The following ARHGAP32 variants were observed in gnomAD, a reference collection of about 807,000 sequenced individuals.
The protein encoded by ARHGAP32 is rho GTPase-activating protein 32.
In ARHGAP32, 51 loss-of-function variants were observed where a neutral mutation model predicts 186.5. That is an observed-to-expected ratio of 0.27 (90% CI 0.22 to 0.35). The LOEUF is 0.35. Among genes scored for constraint, ARHGAP32 ranks in the 10% least tolerant of loss-of-function variants. The pLI is 1.00. For synonymous variants in ARHGAP32, 950 were observed against 964.3 expected (o/e 0.99, Z 0.27); for missense variants, 2,186 against 2,623.5 (o/e 0.83, Z 3.64).
intron 5 of ARHGAP32, among the ~76,000 whole-genome samples, chr11:129,106,339 G>T (rs950596172): frequency 6.6e-6 from 1 of 152,008 alleles, no homozygotes; most frequent in Non-Finnish European, 1.5e-5. Context: ...ATACTACACA[G>T]CTATAAAAAA....
At chr11:129,276,113 T>C (rs1219706345) in intron 1 of ARHGAP32, among the ~76,000 whole-genome samples, 4 of 152,202 alleles carry the variant, frequency 2.6e-5, no homozygotes, top group African/African-American at 9.7e-5. Context: ...CCTGACTCTA[T>C]TAAATTTTAA....
intron 1 of ARHGAP32, among the ~76,000 whole-genome samples, chr11:129,261,815 C>A (rs1333675017): frequency 6.6e-6 from 1 of 152,030 alleles, no homozygotes; most frequent in Non-Finnish European, 1.5e-5. Flanking sequence ...ATTAATGGTG[C>A]AACTGTTAAA....
At chr11:129,006,040 C>T (rs942556811) in intron 11 of ARHGAP32, among the ~76,000 whole-genome samples, 4 of 152,034 alleles carry the variant, frequency 2.6e-5, no homozygotes, top group South Asian at 2.1e-4. Context: ...TTCAGTATTT[C>T]GATTGCATTT....
Position 128,967,101 on chromosome 11 carries a change from A to G in ARHGAP32, c.*1806T>C, listed in dbSNP as rs1591478225. ...GCATCCCTCCAATGAATTCTAAGGGAACAAAAGAAAACCTTATAGAATATT... is the reference window on the plus strand; with the variant it reads ...GCATCCCTCCAATGAATTCTAAGGGGACAAAAGAAAACCTTATAGAATATT... On this transcript the variant is annotated 3_prime_UTR_variant, in exon 23 of 23. Coordinates refer to ENST00000682385, the MANE Select transcript of ARHGAP32 (RefSeq NM_001378024.1). 3.3e-5 allele frequency: 5 copies of G among 152,212 alleles called. No individual in the cohort carries two copies. The East Asian group carries it at 9.6e-4, about 29-fold the overall frequency. 9.4% of individuals were successfully genotyped at this position (152,212 alleles called of 1,614,324 possible).
intron 11 of ARHGAP32, among the ~76,000 whole-genome samples, chr11:129,005,867 G>T (rs2134785823): frequency 6.6e-6 from 1 of 152,006 alleles, no homozygotes; most frequent in African/African-American, 2.4e-5. Flanking sequence ...CCTCTTTAAG[G>T]CCAGTAACTT....
At position 128,986,068 on chromosome 11, in the gene ARHGAP32, T is replaced by G. The variant is rs1309075979; in HGVS notation, c.1461A>C (p.Ala487=). 6.2e-7 allele frequency: 1 copy of G among 1,606,598 alleles called. No individual in the cohort carries two copies. Among genetic ancestry groups the G allele is most frequent in the East Asian group, 2.3e-5 (1 of 44,030 alleles). ...TTTTTATCAGCCTTTCTTCATCTGT[T>G]GCTGCTGAAACTGCATCCTAGAAGA... ...YEKFSDAVSA[A]TDEERLIKIH... is the part of the protein sequence containing the mutation. Residue 487 remains alanine (A), a synonymous_variant, in exon 15 of 23, where the codon GCA becomes GCC. Coordinates refer to ENST00000682385, the MANE Select transcript of ARHGAP32 (RefSeq NM_001378024.1).
At chr11:129,154,110 C>T (rs1943349788) in intron 2 of ARHGAP32, among the ~76,000 whole-genome samples, 1 of 151,822 alleles carries the variant, frequency 6.6e-6, no homozygotes, top group African/African-American at 2.4e-5. Flanking sequence ...AGACAAATGG[C>T]CAACAAACAC....
At chr11:129,164,661 C>A (rs914050907) in intron 1 of ARHGAP32, among the ~76,000 whole-genome samples, 7 of 152,128 alleles carry the variant, frequency 4.6e-5, no homozygotes, top group African/African-American at 1.7e-4. Context: ...AGCTAGTTAA[C>A]CTTTATGGTC....
chr11:129,193,556 ATATATTATATATAATATAT>A (rs1257246086), upstream of ARHGAP32, among the ~76,000 whole-genome samples: 11 of 14,178 alleles, frequency 7.8e-4, no homozygotes, highest in East Asian at 3.6e-3. Flanking sequence ...TATAATATAT[ATATATTATATATAATATAT>A]ATATATTATA....
At chr11:129,143,633 G>A (rs912560492) in intron 2 of ARHGAP32, among the ~76,000 whole-genome samples, 2 of 115,812 alleles carry the variant, frequency 1.7e-5, no homozygotes, top group African/African-American at 2.9e-5. Flanking sequence ...CAAAGCACAA[G>A]AGGAGTGATG....
At position 129,232,555 on chromosome 11, in the gene ARHGAP32, T is replaced by C. The variant is rs74594587; in HGVS notation, c.-5+46591A>G. ...AGAATTTGTATTTGATACTAGGAAC[T>C]TGATAGCTTGATGAGATCAGTAATG... On this transcript the variant is annotated intron_variant, in intron 1 of 6. Coordinates refer to the ARHGAP32 transcript ENST00000525234. Among the ~76,000 whole-genome samples the C allele has an allele frequency of 4.8e-4, 73 of 152,258 alleles. No individual in the cohort carries two copies. In the East Asian group the frequency reaches 0.011, roughly 23 times the overall value.
chr11:129,123,368 A>T lies in ARHGAP32; in HGVS notation c.444+78T>A. 1.7e-6 allele frequency: 2 copies of T among 1,192,372 alleles called. No homozygotes were observed. The highest frequency in any genetic ancestry group is 2.4e-6 in the Non-Finnish European group (2 of 823,440). The allele number at this position is 1,192,372 out of a possible 1,614,324, so 73.9% of individuals were successfully genotyped here. ...CTTCAAAGTGTCATCTATTAGATAC[A>T]GATATATAGATAAGCATCTAGATAT... On this transcript the variant is annotated intron_variant, in intron 5 of 22. Coordinates refer to ENST00000682385, the MANE Select transcript of ARHGAP32 (RefSeq NM_001378024.1). This position sits in a 1 kb window ranked among gnomAD's most constrained non-coding sequence, Gnocchi z 4.6.
intron 1 of ARHGAP32, among the ~76,000 whole-genome samples, chr11:129,276,762 T>A (rs1327683359): frequency 6.6e-6 from 1 of 152,222 alleles, no homozygotes; most frequent in Admixed American, 6.5e-5. Flanking sequence ...ATCCTTTCTA[T>A]CATCTGATCC....
At chr11:129,130,746 T>C (rs747071163) in intron 2 of ARHGAP32, among the ~76,000 whole-genome samples, 29 of 152,220 alleles carry the variant, frequency 1.9e-4, no homozygotes, top group Non-Finnish European at 4.1e-4. Flanking sequence ...GTGGTTAGAG[T>C]ATACAACAGC....
Position 129,166,224 on chromosome 11 carries a change from C to T in ARHGAP32, c.117-1797G>A, listed in dbSNP as rs558634171. On this transcript the variant is annotated intron_variant, in intron 1 of 22. Coordinates refer to ENST00000682385, the MANE Select transcript of ARHGAP32 (RefSeq NM_001378024.1). ...CAGAGAAAAAAAGGAACAGAAAATA[C>T]ACAAAATAGTATAAAGGATGAGAGA... Among the ~76,000 whole-genome samples, 25 of 151,108 alleles carry T rather than the reference C, an allele frequency of 1.7e-4. 1 individual carries two copies. The highest frequency in any genetic ancestry group is 6.1e-4 in the African/African-American group (25 of 41,232).
chr11:129,130,408 T>C (rs936163546), intron 2 of ARHGAP32, among the ~76,000 whole-genome samples: 25 of 151,862 alleles, frequency 1.6e-4, no homozygotes, highest in African/African-American at 5.6e-4. Flanking sequence ...CTGAGGTAAG[T>C]AGCAAGAAGC....
chr11:129,195,540 G>T (rs142271025), upstream of ARHGAP32, among the ~76,000 whole-genome samples: 1 of 151,610 alleles, frequency 6.6e-6, no homozygotes, highest in Non-Finnish European at 1.5e-5. Flanking sequence ...ACAGGCACCC[G>T]CCACCACACC....
intron 2 of ARHGAP32, among the ~76,000 whole-genome samples, chr11:129,128,484 A>C (rs1942713755): frequency 6.6e-6 from 1 of 152,188 alleles, no homozygotes; most frequent in African/African-American, 2.4e-5. Context: ...TCTGATTTTT[A>C]ATTCCCCTAG....
At chr11:128,979,016 A>G in intron 18 of ARHGAP32, 101 bp from the exon 19 acceptor site, 3 of 1,060,522 alleles carry the variant, frequency 2.8e-6, no homozygotes, top group Non-Finnish European at 2.7e-6. Flanking sequence ...AACAGGCTGG[A>G]GAAGCATAAG....
Sources: gnomAD v4.1 joint callset for allele counts (sites outside exome capture counted in the v4.1 genomes callset) on GRCh38, gnomAD v4.1.1 for gene constraint, Gnocchi (gnomAD v3.1) non-coding constraint, MANE v1.5 for transcripts, NCBI Gene and HGNC (gene_info 2026-07-23, HGNC 2026-07-21) for gene names.